The following FMOD variants were observed in gnomAD, a reference collection of about 807,000 sequenced individuals.
The protein encoded by FMOD is KSPG fibromodulin.
FMOD carries 15 observed loss-of-function variants against 27.0 expected under a neutral mutation model. The ratio of observed to expected loss-of-function variants is 0.55; its 90% CI spans 0.37 to 0.85. The LOEUF (loss-of-function observed/expected upper bound fraction) is 0.85, where lower values mean the gene tolerates loss of function less well. FMOD is among the 40% of genes least tolerant of loss of function. FMOD has a pLI of 0.00. For synonymous variants in FMOD, 210 were observed against 214.0 expected (o/e 0.98, Z 0.16); for missense variants, 460 against 483.2 (o/e 0.95, Z 0.45).
At chr1:203,347,259 G>C in intron 2 of FMOD, 33 bp downstream of exon 2, 1 of 1,566,160 alleles carries the variant, frequency 6.4e-7, no homozygotes, top group South Asian at 1.2e-5. Flanking sequence ...GAAATAGACA[G>C]CCAGTCCCCG....
intron 1 of FMOD, among the ~76,000 whole-genome samples, chr1:203,348,785 C>T (rs539376539): frequency 1.2e-4 from 18 of 152,316 alleles, no homozygotes; most frequent in Non-Finnish European, 2.2e-4. Context: ...AGCCGCTTGA[C>T]GCATCGAAGG....
intron 2 of FMOD, among the ~76,000 whole-genome samples, chr1:203,342,730 T>TTA (rs1658817307): frequency 1.3e-5 from 2 of 152,032 alleles, no homozygotes; most frequent in East Asian, 3.9e-4. Flanking sequence ...AACCTGAACT[T>TTA]TACTCTGCAG....
rs201449311 is a variant in FMOD, at chr1:203,348,154, G to A, written c.117C>T (p.Tyr39=). 113 of 1,614,108 alleles carry A rather than the reference G, an allele frequency of 7.0e-5. No homozygotes were observed. Among genetic ancestry groups the A allele is most frequent in the Middle Eastern group, 1.6e-4 (1 of 6,084 alleles). The change falls in exon 2 of 3, where the codon TAC becomes TAT. Residue 39 remains tyrosine, a synonymous_variant. Transcript: ENST00000354955. ...HYLRSQQSTY[Y]DPYDPYPYET... ...CATACGGGTAAGGGTCATAGGGATC[G>A]TAGTAGGTGGACTGCTGGCTGCGGA...
intron 1 of FMOD, among the ~76,000 whole-genome samples, chr1:203,348,790 C>A (rs115249326): frequency 6.6e-6 from 1 of 152,200 alleles, no homozygotes; most frequent in African/African-American, 2.4e-5. Flanking sequence ...CTTGACGCAT[C>A]GAAGGGGAAG....
At chr1:203,348,403 A>T in intron 1 of FMOD, 126 bp from the exon 2 acceptor site, 1 of 980,036 alleles carries the variant, frequency 1.0e-6, no homozygotes, top group South Asian at 1.7e-5. Flanking sequence ...AACATCTGAG[A>T]GCAGGAGCCT....
chr1:203,347,310 G>A lies in FMOD; in HGVS notation c.961C>T (p.Gln321Ter), dbSNP rs1658905427. 3.1e-6 allele frequency: 5 copies of A among 1,612,454 alleles called. No homozygotes were observed. The highest frequency in any genetic ancestry group is 4.2e-6 in the Non-Finnish European group (5 of 1,179,148). The change falls in exon 2 of 3, where the codon CAA (glutamine) becomes TAA (stop). Residue 321 changes from glutamine to a stop codon, truncating the protein, a stop_gained. Transcript: ENST00000354955. LOFTEE classifies it high-confidence loss of function. ...VNTNLENLYL[Q>*]GNRINEFSIS... Reference sequence around the variant, plus strand: ...GTCTCACCATTGATCCTATTGCCTTGGAGGTAGAGGTTCTCCAGGTTGGTG... The same window carrying A: ...GTCTCACCATTGATCCTATTGCCTTAGAGGTAGAGGTTCTCCAGGTTGGTG...
intron 1 of FMOD, among the ~76,000 whole-genome samples, chr1:203,350,218 A>G (rs1460067376): frequency 6.6e-6 from 1 of 152,160 alleles, no homozygotes; most frequent in Admixed American, 6.5e-5. Flanking sequence ...TGGGTGCTGA[A>G]AGGGTTTGAT....
chr1:203,343,319 G>A (rs1379114953), intron 2 of FMOD, among the ~76,000 whole-genome samples: 1 of 152,190 alleles, frequency 6.6e-6, no homozygotes, highest in Non-Finnish European at 1.5e-5. Context: ...TATTAACCCT[G>A]TTGTCCCTCT....
At chr1:203,350,428 C>T (rs1393293041) in intron 1 of FMOD, among the ~76,000 whole-genome samples, 4 of 152,168 alleles carry the variant, frequency 2.6e-5, no homozygotes, top group Non-Finnish European at 5.9e-5. Flanking sequence ...CATTTCTCCA[C>T]TCTAGAGAAA....
At chr1:203,346,065 C>T (rs558975725) in intron 2 of FMOD, among the ~76,000 whole-genome samples, 7 of 152,244 alleles carry the variant, frequency 4.6e-5, no homozygotes, top group South Asian at 4.2e-4. Flanking sequence ...CTTGCCCACC[C>T]GACTGTCAAC....
At chr1:203,346,886 T>C (rs1292173644) in intron 2 of FMOD, among the ~76,000 whole-genome samples, 1 of 152,208 alleles carries the variant, frequency 6.6e-6, no homozygotes, top group African/African-American at 2.4e-5. Context: ...CCCTGACACA[T>C]GACCCCTTCA....
At chr1:203,348,476 G>T (rs1304159484) in intron 1 of FMOD, among the ~76,000 whole-genome samples, 199 bp from the exon 2 acceptor site, 1 of 152,188 alleles carries the variant, frequency 6.6e-6, no homozygotes, top group East Asian at 1.9e-4. Context: ...CCGGACCATG[G>T]CTATTTGGGG....
chr1:203,344,548 A>G (rs1658854199), intron 2 of FMOD, among the ~76,000 whole-genome samples: 1 of 152,200 alleles, frequency 6.6e-6, no homozygotes, highest in African/African-American at 2.4e-5. Context: ...AAGCTTCTGA[A>G]TAACATTCTG....
In FMOD at chr1:203,342,517, G is replaced by A. The variant is rs754423384; in HGVS notation, c.980-23C>T. 4 of 1,602,638 alleles carry A rather than the reference G, an allele frequency of 2.5e-6. No individual in the cohort carries two copies. The South Asian group carries it at 3.3e-5, about 13-fold the overall frequency. ...ACTCTGTGGGGACAAGAGGAGCACG[G>A]GTCAGGGAGAGAAGCCCAGATTACG... On this transcript the variant is annotated intron_variant, in intron 2 of 2. Coordinates refer to ENST00000354955, the MANE Select transcript of FMOD (RefSeq NM_002023.5).
chr1:203,344,431 G>A (rs1458600151), intron 2 of FMOD, among the ~76,000 whole-genome samples: 1 of 152,178 alleles, frequency 6.6e-6, no homozygotes, highest in African/African-American at 2.4e-5. Flanking sequence ...AATAGGACAG[G>A]CTTCTGCGTG....
chr1:203,345,585 G>A (rs867226178), intron 2 of FMOD, among the ~76,000 whole-genome samples: 42 of 152,172 alleles, frequency 2.8e-4, no homozygotes, highest in African/African-American at 9.2e-4. Context: ...AATGTCAAAC[G>A]TCTGCAGCTT....
chr1:203,342,800 AG>A (rs1316863202), intron 2 of FMOD, among the ~76,000 whole-genome samples: 4 of 150,096 alleles, frequency 2.7e-5, no homozygotes, highest in Non-Finnish European at 4.4e-5. Flanking sequence ...TTAGCAGGAT[AG>A]GGGGGCAGGT....
At chr1:203,350,944 TC>T in intron 1 of FMOD, 88 bp downstream of exon 1, 1 of 152,328 alleles carries the variant, frequency 6.6e-6, no homozygotes, top group South Asian at 2.1e-4. Flanking sequence ...CCTCCCTGCC[TC>T]CCCATCTCCC....
intron 2 of FMOD, among the ~76,000 whole-genome samples, chr1:203,346,580 A>G (rs541722567): frequency 4.0e-5 from 6 of 151,540 alleles, no homozygotes; most frequent in Non-Finnish European, 8.8e-5. Flanking sequence ...AGTCAGGCTC[A>G]TGTTACCCTA....
Sources: gnomAD v4.1 joint callset for allele counts (sites outside exome capture counted in the v4.1 genomes callset) on GRCh38, gnomAD v4.1.1 for gene constraint, MANE v1.5 for transcripts, NCBI Gene and HGNC (gene_info 2026-07-23, HGNC 2026-07-21) for gene names.